Variants in RGS7 observed in about 807,000 individuals in gnomAD.
The protein encoded by RGS7 is regulator of G-protein signaling 7.
RGS7 carries 27 observed loss-of-function variants against 81.1 expected under a neutral mutation model. The observed-to-expected ratio is 0.33, with a 90% CI of 0.25 to 0.46. The LOEUF (loss-of-function observed/expected upper bound fraction) is 0.46, where lower values mean the gene tolerates loss of function less well. RGS7 is among the 20% of genes least tolerant of loss of function. The pLI, the probability that RGS7 is intolerant of heterozygous loss-of-function variation, is 1.00. For synonymous variants in RGS7, 208 were observed against 207.7 expected (o/e 1.00, Z -0.01); for missense variants, 396 against 607.4 (o/e 0.65, Z 3.66).
Position 241,258,354 on chromosome 1 carries a change from C to T in RGS7, c.78+97345G>A, listed in dbSNP as rs529833131. 4.6e-5 allele frequency among the ~76,000 whole-genome samples: 7 copies of T among 152,246 alleles called. No individual in the cohort carries two copies. The South Asian group carries it at 1.5e-3, about 32-fold the overall frequency. On this transcript the variant is annotated intron_variant, in intron 2 of 18. Coordinates refer to ENST00000440928, the MANE Select transcript of RGS7 (RefSeq NM_001364886.1). ...ACCATTCTAGACTAAAGGTCTTACACATTTCAGGAACGAGAAGTAATAGAG... is the reference window on the plus strand; with the variant it reads ...ACCATTCTAGACTAAAGGTCTTACATATTTCAGGAACGAGAAGTAATAGAG...
At chr1:241,216,146 C>T (rs565329802) in intron 2 of RGS7, among the ~76,000 whole-genome samples, 1 of 152,148 alleles carries the variant, frequency 6.6e-6, no homozygotes, top group South Asian at 2.1e-4. Context: ...GTGGCATGTG[C>T]CTGTCATCCC....
intron 2 of RGS7, among the ~76,000 whole-genome samples, chr1:241,274,542 A>C (rs1361914543): frequency 6.6e-6 from 1 of 152,262 alleles, no homozygotes; most frequent in African/African-American, 2.4e-5. Context: ...GTGCAGATGA[A>C]GAAAAATAAT....
intron 2 of RGS7, among the ~76,000 whole-genome samples, chr1:241,221,893 C>T (rs1369707763): frequency 6.6e-6 from 1 of 152,084 alleles, no homozygotes; most frequent in African/African-American, 2.4e-5. Context: ...TTTCCTTTCT[C>T]TCTCTCTCTC....
chr1:240,859,440 G>GTTTTTTTT (rs5782167), intron 9 of RGS7, among the ~76,000 whole-genome samples: 131 of 110,808 alleles, frequency 1.2e-3, no homozygotes, highest in African/African-American at 1.4e-3. Context: ...TTTCTTTCCT[G>GTTTTTTTT]TTTTTTTTTT....
chr1:240,979,080 G>A (rs1684554043), intron 4 of RGS7, among the ~76,000 whole-genome samples: 1 of 152,038 alleles, frequency 6.6e-6, no homozygotes, highest in Non-Finnish European at 1.5e-5. Context: ...TATCTAGGCA[G>A]GATAAAAAAT....
chr1:241,130,944 A>AAAAAAAAAAAAAAAAAAC (rs1491202997), intron 2 of RGS7, among the ~76,000 whole-genome samples: 1 of 150,132 alleles, frequency 6.7e-6, no homozygotes, highest in African/African-American at 2.5e-5. Flanking sequence ...AAAAAAAAAA[A>AAAAAAAAAAAAAAAAAAC]ACCAAGAGGC....
intron 3 of RGS7, among the ~76,000 whole-genome samples, chr1:241,000,906 C>T (rs916097708): frequency 1.3e-5 from 2 of 151,578 alleles, no homozygotes; most frequent in African/African-American, 4.9e-5. Context: ...ATCCACCTGC[C>T]TCAGCCTTCC....
intron 2 of RGS7, among the ~76,000 whole-genome samples, chr1:241,276,505 C>T (rs1430696753): frequency 6.6e-6 from 1 of 152,108 alleles, no homozygotes; most frequent in Non-Finnish European, 1.5e-5. Context: ...TTCTCAATTC[C>T]CTGTCTCATT....
chr1:241,076,835 A>G (rs1422573068), intron 3 of RGS7, among the ~76,000 whole-genome samples: 1 of 152,052 alleles, frequency 6.6e-6, no homozygotes, highest in Non-Finnish European at 1.5e-5. Flanking sequence ...TCGGTGAGAA[A>G]CTCCAACGCC....
chr1:241,122,374 C>T (rs994636479), intron 2 of RGS7, among the ~76,000 whole-genome samples: 1 of 152,086 alleles, frequency 6.6e-6, no homozygotes, highest in Admixed American at 6.5e-5. Flanking sequence ...ATTTAATACA[C>T]CTAACTGTCT....
Position 240,922,411 on chromosome 1 carries a change from A to G in RGS7, c.385+8306T>C, listed in dbSNP as rs144018076. On this transcript the variant is annotated intron_variant, in intron 6 of 18. Transcript: ENST00000440928. ...ATTTAAAACTTTGATTCTTTTAAATACACCATTAAGACACTGAAAGACAAA... is the reference window on the plus strand; with the variant it reads ...ATTTAAAACTTTGATTCTTTTAAATGCACCATTAAGACACTGAAAGACAAA... Among the ~76,000 whole-genome samples, 307 of 152,242 alleles carry G rather than the reference A, an allele frequency of 2.0e-3. 4 individuals are homozygous for G. Among genetic ancestry groups the G allele is most frequent in the African/African-American group, 7.2e-3 (298 of 41,570 alleles).
intron 3 of RGS7, chr1:240,998,585 C>T (rs997344634): frequency 6.0e-6 from 5 of 832,116 alleles, no homozygotes; most frequent in South Asian, 2.6e-5. Flanking sequence ...GAGCCAGCTG[C>T]TGGACCAGGT....
At chr1:241,213,911 T>C (rs1224676287) in intron 2 of RGS7, among the ~76,000 whole-genome samples, 1 of 152,044 alleles carries the variant, frequency 6.6e-6, no homozygotes, top group Non-Finnish European at 1.5e-5. Context: ...ACTACAGGTG[T>C]GTGCCACCAT....
At chr1:240,949,663 C>T (rs1421222761) in intron 4 of RGS7, among the ~76,000 whole-genome samples, 1 of 152,046 alleles carries the variant, frequency 6.6e-6, no homozygotes, top group East Asian at 1.9e-4. Context: ...GCCTGGCCAA[C>T]ATGGTGAAAC....
At chr1:241,320,737 G>A (rs1305878947) in intron 2 of RGS7, among the ~76,000 whole-genome samples, 1 of 152,188 alleles carries the variant, frequency 6.6e-6, no homozygotes, top group African/African-American at 2.4e-5. Context: ...AGACTAACAG[G>A]AATAGTCAGG....
intron 10 of RGS7, 85 bp from the exon 11 acceptor site, chr1:240,816,500 T>A (rs1357491035): frequency 6.6e-6 from 6 of 906,240 alleles, no homozygotes; most frequent in Admixed American, 5.4e-5. Flanking sequence ...TAGCATAAAT[T>A]CAGTAAGGTC....
At chr1:241,195,250 C>A (rs543711240) in intron 2 of RGS7, among the ~76,000 whole-genome samples, 9 of 152,204 alleles carry the variant, frequency 5.9e-5, no homozygotes, top group Non-Finnish European at 1.0e-4. Context: ...CTCAGGTGGG[C>A]GGATCACCTG....
intron 2 of RGS7, among the ~76,000 whole-genome samples, chr1:241,146,394 C>T (rs2068311351): frequency 6.6e-6 from 1 of 152,162 alleles, no homozygotes; most frequent in Admixed American, 6.5e-5. Flanking sequence ...ACTTGAGCAT[C>T]TCCAGATTTT....
chr1:240,908,239 C>T lies in RGS7; in HGVS notation c.385+22478G>A, dbSNP rs187079801. On this transcript the variant is annotated intron_variant, in intron 6 of 18. Transcript: ENST00000440928. ...GGGAGGGATAGCATTAGGAGAGATA[C>T]CTAATGTAAACGACGAGTTAATGGG... Among the ~76,000 whole-genome samples the T allele has an allele frequency of 1.8e-3, 266 of 151,562 alleles. 2 individuals carry two copies. The highest frequency in any genetic ancestry group is 3.4e-3 in the Middle Eastern group (1 of 294).
Sources: gnomAD v4.1 joint callset for allele counts (sites outside exome capture counted in the v4.1 genomes callset) on GRCh38, gnomAD v4.1.1 for gene constraint, MANE v1.5 for transcripts, NCBI Gene and HGNC (gene_info 2026-07-23, HGNC 2026-07-21) for gene names.